Variants in GLB1L3 observed in about 807,000 individuals in gnomAD.
The protein encoded by GLB1L3 is beta-galactosidase-1-like protein 3.
In GLB1L3, 89 loss-of-function variants were observed where a neutral mutation model predicts 89.5. The ratio of observed to expected loss-of-function variants is 0.99; its 90% confidence interval spans 0.84 to 1.19. The LOEUF is 1.19. GLB1L3 is among the 50% of genes most tolerant of loss of function. The pLI, the probability that GLB1L3 is intolerant of heterozygous loss-of-function variation, is 0.00. For synonymous variants in GLB1L3, 314 were observed against 312.3 expected (o/e 1.01, Z -0.06); for missense variants, 812 against 813.3 (o/e 1.00, Z 0.02).
upstream of GLB1L3, chr11:134,275,773 T>A (rs1315048999): frequency 6.6e-6 from 1 of 152,254 alleles, no homozygotes; most frequent in East Asian, 1.9e-4. Flanking sequence ...GCCTGAAACA[T>A]GCGGCCTCCC....
chr11:134,322,829 G>T (rs2136244373), downstream of GLB1L3, among the ~76,000 whole-genome samples: 1 of 152,236 alleles, frequency 6.6e-6, no homozygotes, highest in Non-Finnish European at 1.5e-5. Context: ...ATGATTATTT[G>T]AGTTGTTTCC....
At chr11:134,313,670 A>G (rs1591592852) in intron 16 of GLB1L3, among the ~76,000 whole-genome samples, 196 bp downstream of exon 16, 1 of 152,196 alleles carries the variant, frequency 6.6e-6, no homozygotes, top group African/African-American at 2.4e-5. Context: ...GGGTGGGGCC[A>G]GTGTGTTCGG....
chr11:134,289,051 G>A (rs1941188879), intron 7 of GLB1L3, 161 bp downstream of exon 7: 1 of 537,666 alleles, frequency 1.9e-6, no homozygotes, highest in Non-Finnish European at 3.3e-6. Flanking sequence ...CTGCATAGCT[G>A]AAAATTTGCG....
rs1291071551 is a variant in GLB1L3 at position 134,276,714 on chromosome 11, G to T, written c.-27G>T. On this transcript the variant is annotated 5_prime_UTR_variant, in exon 1 of 20. Transcript: ENST00000431683. ...GCGGAGAGGGGCGGAAGCCGCAAGG[G>T]ACCCTCGGCGCCTCGGCCTGGCCGC... The T allele has an allele frequency of 2.8e-6, 4 of 1,441,216 alleles. No homozygotes were observed. The highest frequency in any genetic ancestry group is 3.6e-6 in the Non-Finnish European group (4 of 1,098,522). 89.3% of individuals were successfully genotyped at this position (1,441,216 alleles called of 1,614,324 possible). A position where few individuals can be genotyped will look rare whatever the true frequency, so the allele number is the denominator to read the frequency against.
chr11:134,310,615 T>C lies in GLB1L3; in HGVS notation c.1144T>C (p.Tyr382His). The change falls in exon 12 of 20, where the codon TAT becomes CAT. Residue 382 changes from tyrosine (Y) to histidine (H), a missense_variant. Around this residue, in one of 3 missense-constraint regions of GLB1L3, gnomAD observed 618 missense variants for 604.0 expected, o/e 1.02. Transcript: ENST00000431683. ...GGAGGCTGGAGATTACACAGAAAAA[T>C]ATCTGAAGCTTCAAAAACTCTTTCA... ...LTEAGDYTEK[Y>H]LKLQKLFQSV... The C allele has an allele frequency of 6.2e-7, 1 of 1,613,508 alleles. No individual in the cohort carries two copies. The highest frequency in any genetic ancestry group is 8.5e-7 in the Non-Finnish European group (1 of 1,179,662).
chr11:134,297,775 G>A (rs752244644), intron 9 of GLB1L3, among the ~76,000 whole-genome samples: 67 of 148,062 alleles, frequency 4.5e-4, no homozygotes, highest in Non-Finnish European at 9.0e-4. Context: ...CAGGAGAATC[G>A]CTTGAACCCA....
intron 6 of GLB1L3, among the ~76,000 whole-genome samples, 153 bp from the exon 7 acceptor site, chr11:134,288,645 T>C (rs1162393613): frequency 6.6e-6 from 1 of 152,068 alleles, no homozygotes; most frequent in Non-Finnish European, 1.5e-5. Flanking sequence ...CAGCAGACTC[T>C]AACTCCAGCG....
At chr11:134,290,433 C>T (rs143429004) in intron 7 of GLB1L3, among the ~76,000 whole-genome samples, 1,529 of 151,804 alleles carry the variant, frequency 0.01, 10 homozygotes, top group Admixed American at 0.016. Flanking sequence ...ATTAGCTGGG[C>T]GTGGTGGTGC....
chr11:134,282,314 G>A (rs1940741618), intron 5 of GLB1L3, among the ~76,000 whole-genome samples, 194 bp downstream of exon 5: 1 of 152,176 alleles, frequency 6.6e-6, no homozygotes, highest in South Asian at 2.1e-4. Context: ...GGGGCGGGGT[G>A]CAGTTGTCAT....
At chr11:134,288,217 G>A (rs1423842610) in intron 6 of GLB1L3, among the ~76,000 whole-genome samples, 3 of 152,202 alleles carry the variant, frequency 2.0e-5, no homozygotes, top group African/African-American at 7.2e-5. Flanking sequence ...CAGGAGATGT[G>A]GGTGTAGATG....
rs758014096 is a variant in GLB1L3, at chr11:134,313,929, C to T, written c.1580-12C>T. On this transcript the variant is annotated splice_polypyrimidine_tract_variant and intron_variant, in intron 16 of 19. Coordinates refer to ENST00000431683, the MANE Select transcript of GLB1L3 (RefSeq NM_001080407.3). ...TCATATTCTCTTTCCTGCCTCCCAT[C>T]TGCATCTGCAGGAATAACTGGATCT... The T allele has an allele frequency of 4.7e-5, 73 of 1,567,336 alleles. No individual in the cohort carries two copies. Among genetic ancestry groups the T allele is most frequent in the Non-Finnish European group, 5.9e-5 (67 of 1,139,286 alleles).
rs540849337 is a variant in GLB1L3, at chr11:134,277,540, G to T, written c.149+89G>T. On this transcript the variant is annotated intron_variant, in intron 2 of 19. Transcript: ENST00000431683. ...AGTATCGCGAATATGCACAGAACAC[G>T]TCCTACTAACATATGCACAGAACAC... The T allele has an allele frequency of 5.3e-5, 83 of 1,554,710 alleles. No homozygotes were observed. The East Asian group carries it at 1.9e-3, about 35-fold the overall frequency.
intron 9 of GLB1L3, among the ~76,000 whole-genome samples, chr11:134,301,382 A>G (rs1487006970): frequency 6.6e-6 from 1 of 152,170 alleles, no homozygotes; most frequent in African/African-American, 2.4e-5. Context: ...TTTTCTAGGA[A>G]TATGTCCATT....
chr11:134,301,522 T>TA (rs2136179829), intron 9 of GLB1L3, among the ~76,000 whole-genome samples: 1 of 152,328 alleles, frequency 6.6e-6, no homozygotes, highest in Admixed American at 6.5e-5. Flanking sequence ...TACTCTGTCT[T>TA]AACATTCTCA....
intron 9 of GLB1L3, among the ~76,000 whole-genome samples, chr11:134,305,956 C>T (rs1942188310): frequency 1.3e-5 from 2 of 152,038 alleles, no homozygotes; most frequent in South Asian, 4.1e-4. Flanking sequence ...ACAAGATAAA[C>T]GTCTTATAGG....
downstream of GLB1L3, among the ~76,000 whole-genome samples, chr11:134,321,127 A>G (rs577181753): frequency 1.4e-4 from 21 of 152,330 alleles, no homozygotes; most frequent in East Asian, 2.9e-3. Context: ...AATAGAGCCA[A>G]TGTCTAACTT....
At chr11:134,278,453 T>G (rs1459646416) in intron 3 of GLB1L3, among the ~76,000 whole-genome samples, 1 of 152,062 alleles carries the variant, frequency 6.6e-6, no homozygotes, top group East Asian at 1.9e-4. Flanking sequence ...CCAGGCTAAT[T>G]TTTTGAATTG....
chr11:134,282,253 C>T (rs1403694139), intron 5 of GLB1L3, 133 bp downstream of exon 5: 13 of 1,111,654 alleles, frequency 1.2e-5, no homozygotes, highest in South Asian at 5.1e-5. Context: ...CCCCACGCCA[C>T]GCACCGTGCC....
At chr11:134,312,693 C>A in intron 14 of GLB1L3, 123 bp from the exon 15 acceptor site, 1 of 964,470 alleles carries the variant, frequency 1.0e-6, no homozygotes, top group Non-Finnish European at 1.6e-6. Flanking sequence ...CAGCTTCATG[C>A]CATCAGTGAG....
Sources: allele counts gnomAD v4.1 joint callset (sites outside exome capture counted in the v4.1 genomes callset), GRCh38; gene constraint gnomAD v4.1.1; regional missense constraint gnomAD v4.1.1; transcripts MANE v1.5; gene names NCBI Gene and HGNC (gene_info 2026-07-23, HGNC 2026-07-21).